The following NXPE4 variants were observed in gnomAD, a reference collection of about 807,000 sequenced individuals.
The protein encoded by NXPE4 is neurexophilin and PC-esterase domain family member 4, also known as NXPE family member 4.
Under a neutral mutation model 33.3 loss-of-function variants are expected in NXPE4, and 42 were observed. The ratio of observed to expected loss-of-function variants is 1.26; its 90% CI spans 0.98 to 1.63. NXPE4 has a LOEUF of 1.63. Among genes scored for constraint, NXPE4 ranks in the 40% most tolerant of loss-of-function variants. NXPE4 has a pLI of 0.00. For missense variants in NXPE4, 709 were observed against 647.6 expected (o/e 1.09, Z -1.03); for synonymous variants, 253 against 234.9 (o/e 1.08, Z -0.71).
chr11:114,676,988 A>T, the NXPE4 span, among the ~76,000 whole-genome samples: 1 of 152,096 alleles, frequency 6.6e-6, no homozygotes, highest in African/African-American at 2.4e-5. Flanking sequence ...GGAGGACATT[A>T]TGCTGGGTAA....
intron 5 of NXPE4, among the ~76,000 whole-genome samples, chr11:114,578,999 T>C (rs1243924345): frequency 6.6e-6 from 1 of 152,232 alleles, no homozygotes; most frequent in East Asian, 1.9e-4. Context: ...TTAGTCTGTT[T>C]GCATTGCTAT....
intron 2 of NXPE4, among the ~76,000 whole-genome samples, chr11:114,591,269 T>C (rs1173085809): frequency 6.6e-6 from 1 of 152,218 alleles, no homozygotes; most frequent in African/African-American, 2.4e-5. Flanking sequence ...AACATTTACA[T>C]TGACTCCAAG....
chr11:114,571,310 G>T lies in NXPE4; in HGVS notation c.1263C>A (p.Asp421Glu). 6.2e-7 allele frequency: 1 copy of T among 1,613,994 alleles called. No homozygotes were observed. The highest frequency in any genetic ancestry group is 8.5e-7 in the Non-Finnish European group (1 of 1,179,916). The change falls in exon 6 of 6, where the codon GAC becomes GAA. Residue 421 changes from aspartate to glutamate, a missense_variant. Physicochemically the swap from Asp to Glu is conservative, Grantham distance 45. Transcript: ENST00000375478. ...CAGTATTTTTTTCTCCTCCAGTTCT[G>T]TCAATGGCCCGGGTGAGGTACTCCA... ...KEMEYLTRAI[D>E]RTGGEKNTVI... is the part of the protein sequence containing the mutation.
chr11:114,586,107 C>A (rs949401220), intron 2 of NXPE4, among the ~76,000 whole-genome samples: 1 of 152,078 alleles, frequency 6.6e-6, no homozygotes. Context: ...CTTTTTTGCC[C>A]TGTGTAAATC....
the NXPE4 span, among the ~76,000 whole-genome samples, chr11:114,632,890 T>C: frequency 1.3e-5 from 1 of 74,388 alleles, no homozygotes; most frequent in Non-Finnish European, 2.3e-5. Context: ...ATATATTATA[T>C]AATTTTATGT....
the NXPE4 span, among the ~76,000 whole-genome samples, chr11:114,615,530 C>A: frequency 6.6e-6 from 1 of 151,954 alleles, no homozygotes; most frequent in South Asian, 2.1e-4. Context: ...CAGGTAACCA[C>A]TGTTACCCGG....
chr11:114,646,809 G>A, the NXPE4 span, among the ~76,000 whole-genome samples: 439 of 152,248 alleles, frequency 2.9e-3, 1 homozygote, highest in African/African-American at 0.01. Flanking sequence ...TTAGGCTTAA[G>A]ACTATGGTTA....
the NXPE4 span, among the ~76,000 whole-genome samples, chr11:114,640,937 A>G: frequency 6.6e-6 from 1 of 151,952 alleles, no homozygotes; most frequent in East Asian, 1.9e-4. Context: ...TTTGCTGTGC[A>G]AAAGGAAAAA....
the NXPE4 span, among the ~76,000 whole-genome samples, chr11:114,630,676 A>G: frequency 6.6e-6 from 1 of 150,972 alleles, no homozygotes; most frequent in Non-Finnish European, 1.5e-5. Context: ...GACAAATGGG[A>G]TCTAATTAAA....
the NXPE4 span, among the ~76,000 whole-genome samples, chr11:114,625,517 GATA>G: frequency 1.3e-5 from 2 of 152,122 alleles, no homozygotes; most frequent in South Asian, 4.1e-4. Context: ...TTACCAGGTG[GATA>G]ATAAGTATTG....
At chr11:114,609,538 A>G in the NXPE4 span, among the ~76,000 whole-genome samples, 1 of 151,768 alleles carries the variant, frequency 6.6e-6, no homozygotes, top group African/African-American at 2.4e-5. Context: ...AACCACTGTT[A>G]CCCAATGGAT....
upstream of NXPE4, among the ~76,000 whole-genome samples, chr11:114,600,057 C>A (rs1055359659): frequency 1.3e-5 from 2 of 152,070 alleles, no homozygotes; most frequent in Admixed American, 1.3e-4. Flanking sequence ...ACAAAGTGAG[C>A]ATTAGAACTC....
intron 5 of NXPE4, among the ~76,000 whole-genome samples, chr11:114,576,296 A>C (rs1006469392): frequency 2.6e-5 from 4 of 152,032 alleles, no homozygotes; most frequent in Non-Finnish European, 5.9e-5. Context: ...CTTAGGCAAA[A>C]ACTTTATGAC....
At chr11:114,647,995 C>T in the NXPE4 span, among the ~76,000 whole-genome samples, 3 of 152,100 alleles carry the variant, frequency 2.0e-5, no homozygotes, top group Non-Finnish European at 4.4e-5. Context: ...CCACTGTTGC[C>T]GGCCGACTTA....
At chr11:114,645,509 A>G in the NXPE4 span, among the ~76,000 whole-genome samples, 1 of 152,146 alleles carries the variant, frequency 6.6e-6, no homozygotes, top group Non-Finnish European at 1.5e-5. Context: ...AACATAAATG[A>G]TAGAAGAAAA....
At chr11:114,603,863 G>T in the NXPE4 span, among the ~76,000 whole-genome samples, 2 of 151,030 alleles carry the variant, frequency 1.3e-5, no homozygotes, top group Non-Finnish European at 2.9e-5. Context: ...CCTCTCCTAG[G>T]TAACTAATAT....
At chr11:114,640,793 A>G in the NXPE4 span, among the ~76,000 whole-genome samples, 2 of 151,968 alleles carry the variant, frequency 1.3e-5, no homozygotes, top group African/African-American at 2.4e-5. Flanking sequence ...CTCACTTTAT[A>G]ATAGAACTAT....
chr11:114,579,975 T>C (rs1410913069), intron 5 of NXPE4, among the ~76,000 whole-genome samples, 157 bp downstream of exon 5: 2 of 152,236 alleles, frequency 1.3e-5, no homozygotes, highest in Non-Finnish European at 2.9e-5. Flanking sequence ...TGTATTGTTT[T>C]TTTAAAGGAA....
the NXPE4 span, among the ~76,000 whole-genome samples, chr11:114,614,428 A>G: frequency 1.3e-5 from 2 of 151,918 alleles, no homozygotes; most frequent in Non-Finnish European, 2.9e-5. Context: ...GTGGATAATA[A>G]GTATTGCCTC....
Sources: gnomAD v4.1 joint callset for allele counts (sites outside exome capture counted in the v4.1 genomes callset) on GRCh38, gnomAD v4.1.1 for gene constraint, MANE v1.5 for transcripts, NCBI Gene and HGNC (gene_info 2026-07-23, HGNC 2026-07-21) for gene names.